CNTN5: variants seen among roughly 807,000 people sequenced by gnomAD.
The protein encoded by CNTN5 is contactin-5.
In CNTN5, 77 loss-of-function variants were observed where a neutral mutation model predicts 129.1. That is an observed-to-expected ratio of 0.60 (90% CI 0.50 to 0.72). The LOEUF is 0.72. CNTN5 is among the 30% of genes least tolerant of loss of function. The pLI is 0.00. For missense variants in CNTN5, 1,478 were observed against 1,328.8 expected, an observed-to-expected ratio of 1.11 and a Z score of -1.75; for synonymous variants, 509 against 465.6, an observed-to-expected ratio of 1.09 and a Z score of -1.20.
intron 2 of CNTN5, among the ~76,000 whole-genome samples, chr11:99,502,323 T>TTG (rs1397434040): frequency 6.6e-6 from 1 of 152,134 alleles, no homozygotes; most frequent in Non-Finnish European, 1.5e-5. Flanking sequence ...TGGTTAGGCT[T>TTG]TGTGTCCCCA....
intron 2 of CNTN5, among the ~76,000 whole-genome samples, chr11:99,431,556 T>C (rs1005742151): frequency 2.0e-5 from 3 of 152,108 alleles, no homozygotes; most frequent in Non-Finnish European, 2.9e-5. Context: ...TCTCAGCAAA[T>C]TGTCATGTTG....
intron 13 of CNTN5, among the ~76,000 whole-genome samples, chr11:100,137,604 G>A (rs1946568238): frequency 2.0e-5 from 3 of 152,056 alleles, no homozygotes; most frequent in Admixed American, 6.6e-5. Flanking sequence ...GTGACTGTGT[G>A]TGTATGTGTA....
chr11:99,697,490 G>GA (rs2134839318), intron 3 of CNTN5, among the ~76,000 whole-genome samples: 1 of 151,606 alleles, frequency 6.6e-6, no homozygotes, highest in East Asian at 1.9e-4. Flanking sequence ...AAAATTTCAA[G>GA]ATACTCTACA....
At chr11:99,316,630 C>T (rs559875889) in intron 1 of CNTN5, among the ~76,000 whole-genome samples, 3 of 151,972 alleles carry the variant, frequency 2.0e-5, no homozygotes, top group Admixed American at 2.0e-4. Flanking sequence ...AAGCCATTTT[C>T]TCCCAGGGCA....
At chr11:99,588,811 G>C (rs573312639) in intron 3 of CNTN5, among the ~76,000 whole-genome samples, 155 of 152,116 alleles carry the variant, frequency 1.0e-3, no homozygotes, top group Non-Finnish European at 1.9e-3. Context: ...AGACCAACCT[G>C]GTTGCAATAT....
chr11:100,062,528 C>G (rs575027151), intron 10 of CNTN5, among the ~76,000 whole-genome samples: 1 of 152,302 alleles, frequency 6.6e-6, no homozygotes, highest in East Asian at 1.9e-4. Flanking sequence ...CTTGAAGTAA[C>G]TCATGATCCA....
intron 3 of CNTN5, among the ~76,000 whole-genome samples, chr11:99,657,638 A>G (rs1952427434): frequency 6.6e-6 from 1 of 152,142 alleles, no homozygotes; most frequent in South Asian, 2.1e-4. Flanking sequence ...GAGTCTTTTA[A>G]AAAGAGACCT....
At chr11:99,649,500 G>A (rs1423101232) in intron 3 of CNTN5, among the ~76,000 whole-genome samples, 2 of 151,674 alleles carry the variant, frequency 1.3e-5, no homozygotes, top group Non-Finnish European at 3.0e-5. Context: ...GACACAAATG[G>A]GCACAGAAGT....
intron 9 of CNTN5, 76 bp downstream of exon 9, chr11:100,002,212 T>C (rs1939919082): frequency 2.0e-6 from 2 of 977,114 alleles, no homozygotes; most frequent in African/African-American, 1.7e-5. Flanking sequence ...GATCACTTAT[T>C]TTGCTAGGTG....
intron 3 of CNTN5, among the ~76,000 whole-genome samples, chr11:99,633,056 T>C (rs1443942809): frequency 2.6e-5 from 4 of 152,158 alleles, no homozygotes; most frequent in African/African-American, 9.7e-5. Context: ...ACTGTAAAAG[T>C]ATGAGTCAGG....
At chr11:99,627,804 C>T (rs1208102214) in intron 3 of CNTN5, among the ~76,000 whole-genome samples, 1 of 151,632 alleles carries the variant, frequency 6.6e-6, no homozygotes, top group East Asian at 1.9e-4. Flanking sequence ...AGAGCACTGA[C>T]AAGTCTTGTG....
At chr11:99,667,330 T>A (rs11220904) in intron 3 of CNTN5, among the ~76,000 whole-genome samples, 8,882 of 152,272 alleles carry the variant, frequency 0.058, 352 homozygotes, top group Middle Eastern at 0.088. Context: ...TTCAGCTGTT[T>A]ACTAAAACTC....
chr11:99,992,466 T>G (rs1748683420), intron 8 of CNTN5, among the ~76,000 whole-genome samples: 1 of 152,172 alleles, frequency 6.6e-6, no homozygotes, highest in South Asian at 2.1e-4. Context: ...ACTCTAATCC[T>G]CAGAAGGACA....
intron 2 of CNTN5, among the ~76,000 whole-genome samples, chr11:99,395,881 T>C (rs563421295): frequency 1.3e-5 from 2 of 151,972 alleles, no homozygotes; most frequent in African/African-American, 2.4e-5. Flanking sequence ...CTGGGCTATC[T>C]ATTCTGTTCC....
intron 3 of CNTN5, among the ~76,000 whole-genome samples, chr11:99,567,873 G>T (rs547225614): frequency 3.2e-4 from 48 of 152,154 alleles, no homozygotes; most frequent in Middle Eastern, 3.4e-3. Context: ...GTGGGAACTG[G>T]ATTACCTGAA....
At chr11:99,612,478 A>G (rs1950620118) in intron 3 of CNTN5, among the ~76,000 whole-genome samples, 1 of 152,098 alleles carries the variant, frequency 6.6e-6, no homozygotes, top group African/African-American at 2.4e-5. Context: ...CTATGTAAAA[A>G]CCCTATTGAA....
At chr11:99,586,024 A>G (rs1206304028) in intron 3 of CNTN5, among the ~76,000 whole-genome samples, 1 of 152,126 alleles carries the variant, frequency 6.6e-6, no homozygotes, top group Non-Finnish European at 1.5e-5. Flanking sequence ...ATTATAATAT[A>G]TCATATCATT....
At chr11:99,438,111 C>T (rs549234373) in intron 2 of CNTN5, among the ~76,000 whole-genome samples, 1 of 152,194 alleles carries the variant, frequency 6.6e-6, no homozygotes, top group East Asian at 1.9e-4. Flanking sequence ...ATGCTAGAAG[C>T]TTAATAATAA....
chr11:99,281,690 T>C (rs1029687580), intron 1 of CNTN5, among the ~76,000 whole-genome samples: 3 of 152,100 alleles, frequency 2.0e-5, no homozygotes, highest in Non-Finnish European at 4.4e-5. Flanking sequence ...GTTTACTTTA[T>C]TTCAATATAT....
Sources: gnomAD v4.1 joint callset for allele counts (sites outside exome capture counted in the v4.1 genomes callset) on GRCh38, gnomAD v4.1.1 for gene constraint, MANE v1.5 for transcripts, NCBI Gene and HGNC (gene_info 2026-07-23, HGNC 2026-07-21) for gene names.